Variants in SPIDR observed in about 807,000 individuals in gnomAD.
The protein encoded by SPIDR is scaffold protein involved in DNA repair.
A neutral mutation model predicts 104.6 loss-of-function variants in SPIDR; 93 were observed. The ratio of observed to expected loss-of-function variants is 0.89; its 90% confidence interval spans 0.75 to 1.06. The LOEUF is 1.06. SPIDR is among the 50% of genes least tolerant of loss of function. The pLI is 0.00. For synonymous variants in SPIDR, 431 were observed against 416.9 expected, an observed-to-expected ratio of 1.03 and a Z score of -0.41; for missense variants, 1,154 against 1,111.2, an observed-to-expected ratio of 1.04 and a Z score of -0.55.
rs367565074 is a variant in SPIDR at position 47,341,056 on chromosome 8, G to C, written c.525+47026G>C. 2.6e-3 allele frequency among the ~76,000 whole-genome samples: 399 copies of C among 152,256 alleles called. 1 individual carries two copies. Among genetic ancestry groups the C allele is most frequent in the African/African-American group, 6.5e-3 (271 of 41,530 alleles). ...AGCCCCTCTGTAGCCAGTCAGCTTG[G>C]GGGGGATGCCCGTTCCTGAGACTGA... On this transcript the variant is annotated intron_variant, in intron 5 of 19. Coordinates refer to ENST00000297423, the MANE Select transcript of SPIDR (RefSeq NM_001080394.4).
At chr8:47,696,696 C>T (rs2079381699) in intron 11 of SPIDR, among the ~76,000 whole-genome samples, 1 of 152,164 alleles carries the variant, frequency 6.6e-6, no homozygotes, top group Non-Finnish European at 1.5e-5. Flanking sequence ...TCTGCTTCAG[C>T]ACCCACACCT....
chr8:47,551,107 C>T (rs917496720), intron 8 of SPIDR, among the ~76,000 whole-genome samples: 1 of 152,100 alleles, frequency 6.6e-6, no homozygotes, highest in Non-Finnish European at 1.5e-5. Context: ...GCCTTGCATC[C>T]CAGGGATGAA....
At chr8:47,617,814 C>T (rs556163440) in intron 10 of SPIDR, among the ~76,000 whole-genome samples, 24 of 152,290 alleles carry the variant, frequency 1.6e-4, no homozygotes, top group African/African-American at 5.8e-4. Context: ...TTCCAAAATA[C>T]TGACCTTAGA....
chr8:47,266,510 A>G (rs1162561191), intron 1 of SPIDR, among the ~76,000 whole-genome samples: 1 of 152,220 alleles, frequency 6.6e-6, no homozygotes, highest in Non-Finnish European at 1.5e-5. Context: ...AACATTTATT[A>G]TTGAAGGACC....
At chr8:47,729,075 A>G (rs775304303) in intron 18 of SPIDR, 28 bp downstream of exon 18, 3 of 1,611,186 alleles carry the variant, frequency 1.9e-6, no homozygotes, top group Non-Finnish European at 2.5e-6. Context: ...GCACGCACGC[A>G]CTCCTAGCTC....
chr8:47,631,658 A>G (rs2067094641), intron 10 of SPIDR, among the ~76,000 whole-genome samples: 3 of 152,222 alleles, frequency 2.0e-5, no homozygotes, highest in Non-Finnish European at 4.4e-5. Flanking sequence ...AAGAATTCTT[A>G]TTTGACTCTT....
At chr8:47,363,660 T>G (rs1214699349) in intron 5 of SPIDR, among the ~76,000 whole-genome samples, 1 of 152,044 alleles carries the variant, frequency 6.6e-6, no homozygotes, top group Non-Finnish European at 1.5e-5. Flanking sequence ...AGTGAACAGT[T>G]ATTTATGTTA....
chr8:47,658,029 CAAAAAAAA>C (rs34648437), intron 10 of SPIDR, among the ~76,000 whole-genome samples: 12 of 76,042 alleles, frequency 1.6e-4, no homozygotes, highest in African/African-American at 3.0e-4. Context: ...GACCCTGTCT[CAAAAAAAA>C]AAAAAAAAAA....
rs2076057280 is a variant in SPIDR at position 47,673,597 on chromosome 8, T to C, written c.1545-204T>C. 8 of 656,536 alleles carry C rather than the reference T, an allele frequency of 1.2e-5. No individual in the cohort carries two copies. The South Asian group carries it at 1.4e-4, about 11-fold the overall frequency. The allele number at this position is 656,536 out of a possible 1,614,324, so 40.7% of individuals were successfully genotyped here. On this transcript the variant is annotated intron_variant, in intron 10 of 19. Coordinates refer to ENST00000297423, the MANE Select transcript of SPIDR (RefSeq NM_001080394.4). ...AAGGATATCTTGAATTCAACGTTTT[T>C]TTAATCCTGACTCACCCATTTAGGA...
intron 5 of SPIDR, among the ~76,000 whole-genome samples, chr8:47,305,598 CT>C (rs1485574441): frequency 2.6e-5 from 4 of 152,136 alleles, no homozygotes; most frequent in Non-Finnish European, 5.9e-5. Flanking sequence ...AGAAAGTGAT[CT>C]GACAAACCTT....
intron 7 of SPIDR, among the ~76,000 whole-genome samples, chr8:47,423,426 C>T (rs892648776): frequency 5.9e-5 from 9 of 151,528 alleles, no homozygotes; most frequent in Non-Finnish European, 8.8e-5. Context: ...ACCAATATGG[C>T]GAAAAAGTAC....
At chr8:47,281,736 A>G (rs2037818335) in intron 2 of SPIDR, among the ~76,000 whole-genome samples, 1 of 152,130 alleles carries the variant, frequency 6.6e-6, no homozygotes, top group Admixed American at 6.6e-5. Flanking sequence ...GTTGGAATCA[A>G]CTTCTTCCAA....
intron 8 of SPIDR, among the ~76,000 whole-genome samples, chr8:47,508,665 TG>T (rs1317664373): frequency 1.3e-5 from 2 of 152,158 alleles, no homozygotes; most frequent in Admixed American, 1.3e-4. Context: ...AAGACACAAC[TG>T]TGGAAATTCT....
chr8:47,599,942 G>A (rs1490630877), intron 10 of SPIDR, among the ~76,000 whole-genome samples: 1 of 152,126 alleles, frequency 6.6e-6, no homozygotes, highest in Non-Finnish European at 1.5e-5. Context: ...ATTTTTAGTA[G>A]AGACAAGGTT....
intron 16 of SPIDR, among the ~76,000 whole-genome samples, chr8:47,722,556 C>T (rs1351004273): frequency 1.3e-5 from 2 of 152,168 alleles, no homozygotes; most frequent in Non-Finnish European, 2.9e-5. Context: ...ATTAGCTCTC[C>T]TTCCCTTCTT....
intron 8 of SPIDR, among the ~76,000 whole-genome samples, chr8:47,475,306 G>A (rs2154359413): frequency 6.6e-6 from 1 of 152,306 alleles, no homozygotes; most frequent in Middle Eastern, 3.4e-3. Context: ...TGCCCTGCCG[G>A]GCCCAGAGCA....
intron 5 of SPIDR, among the ~76,000 whole-genome samples, chr8:47,393,664 CCCTTTCCTTTTTCCTTTCCTTTCCTTT>C (rs1477692749): frequency 6.9e-6 from 1 of 145,568 alleles, no homozygotes; most frequent in Non-Finnish European, 1.5e-5. Flanking sequence ...CTTTTCTTTT[CCCTTTCCTTTTTCCTTTCCTTTCCTTT>C]CCTTTCCTTT....
chr8:47,511,380 G>C (rs1319147296), intron 8 of SPIDR: 5 of 931,210 alleles, frequency 5.4e-6, no homozygotes, highest in Non-Finnish European at 9.0e-6. Context: ...TCTGACCCTC[G>C]CCAGTGAAGG....
chr8:47,318,331 A>G (rs1381678425), intron 5 of SPIDR, among the ~76,000 whole-genome samples: 1 of 152,068 alleles, frequency 6.6e-6, no homozygotes, highest in Non-Finnish European at 1.5e-5. Context: ...ATCAACTGGA[A>G]GAAAGGGTAT....
Sources: gnomAD v4.1 joint callset for allele counts (sites outside exome capture counted in the v4.1 genomes callset) on GRCh38, gnomAD v4.1.1 for gene constraint, MANE v1.5 for transcripts, NCBI Gene and HGNC (gene_info 2026-07-23, HGNC 2026-07-21) for gene names.